EPHA3: variants seen among roughly 807,000 people sequenced by gnomAD.
EPHA3 encodes ephrin type-A receptor 3.
A neutral mutation model predicts 107.1 loss-of-function variants in EPHA3; 42 were observed. The observed-to-expected ratio is 0.39, with a 90% confidence interval of 0.31 to 0.51. The LOEUF is 0.51. Among genes scored for constraint, EPHA3 ranks in the 20% least tolerant of loss-of-function variants. The pLI is 0.78. For synonymous variants in EPHA3, 461 were observed against 424.8 expected (o/e 1.09, Z -1.05); for missense variants, 1,183 against 1,211.2 (o/e 0.98, Z 0.35).
chr3:89,152,042 G>T (rs971454347), intron 2 of EPHA3, among the ~76,000 whole-genome samples: 4 of 151,964 alleles, frequency 2.6e-5, no homozygotes, highest in African/African-American at 9.7e-5. Context: ...TTGTTTTAAT[G>T]AAGACTTCTG....
At position 89,341,763 on chromosome 3, in the gene EPHA3, T is replaced by A. The variant is rs1315586801; in HGVS notation, c.979T>A (p.Ser327Thr). ...PPSMACTRPPSSPRNVISNIN... is the reference protein window; with the variant it reads ...PPSMACTRPPTSPRNVISNIN... Reference sequence around the variant, plus strand: ...GTTGAACTACTTTGCAGGACCTCCATCTTCACCAAGAAATGTTATCTCTAA... The same window carrying A: ...GTTGAACTACTTTGCAGGACCTCCAACTTCACCAAGAAATGTTATCTCTAA... Residue 327 changes from serine (S) to threonine (T), a missense_variant, in exon 5 of 17, where the codon TCT becomes ACT. Transcript: ENST00000336596. 6.2e-7 allele frequency: 1 copy of A among 1,608,848 alleles called. No individual in the cohort carries two copies. Among genetic ancestry groups the A allele is most frequent in the Non-Finnish European group, 8.5e-7 (1 of 1,177,040 alleles).
Position 89,352,902 on chromosome 3 carries a change from C to CAAAAAAAAAAAAAAAA in EPHA3, c.1306+10818_1306+10833dup, listed in dbSNP as rs1215369952. 3.9e-3 allele frequency among the ~76,000 whole-genome samples: 158 copies of CAAAAAAAAAAAAAAAA among 40,968 alleles called. 3 individuals carry two copies. Among genetic ancestry groups the CAAAAAAAAAAAAAAAA allele is most frequent in the African/African-American group, 0.015 (151 of 10,148 alleles). 26.9% of individuals were successfully genotyped at this position (40,968 alleles called of 152,430 possible). On this transcript the variant is annotated intron_variant, in intron 5 of 16. Transcript: ENST00000336596. ...TGGGCGACAGAGCAAGACTCTGTCT[C>CAAAAAAAAAAAAAAAA]AAAAAAAAAAAAAAAAAAAAAGGAA...
At chr3:89,281,410 T>A (rs920021594) in intron 3 of EPHA3, among the ~76,000 whole-genome samples, 1 of 152,114 alleles carries the variant, frequency 6.6e-6, no homozygotes. Flanking sequence ...ACTAGCAGAT[T>A]TCTGAGCCAA....
At chr3:89,189,499 A>G (rs1231764622) in intron 2 of EPHA3, among the ~76,000 whole-genome samples, 1 of 152,182 alleles carries the variant, frequency 6.6e-6, no homozygotes, top group African/African-American at 2.4e-5. Flanking sequence ...AGGCTGAGGC[A>G]GGAGAATTGC....
At chr3:89,333,715 A>T (rs1180659276) in intron 3 of EPHA3, among the ~76,000 whole-genome samples, 1 of 152,096 alleles carries the variant, frequency 6.6e-6, no homozygotes, top group Non-Finnish European at 1.5e-5. Context: ...TTTACTAAAA[A>T]TACAAAAATT....
At position 89,136,127 on chromosome 3, in the gene EPHA3, G is replaced by A. The variant is rs189858199; in HGVS notation, c.153+8854G>A. On this transcript the variant is annotated intron_variant, in intron 2 of 16. Coordinates refer to ENST00000336596, the MANE Select transcript of EPHA3 (RefSeq NM_005233.6). The stretch of plus-strand genomic sequence containing the variant: ...TAATCACCTGGGATTCTGCCTTTAT[G>A]AATCACAGTCCAAATTCTACTTCAT... Among the ~76,000 whole-genome samples the A allele has an allele frequency of 2.2e-3, 330 of 151,962 alleles. 2 individuals are homozygous for A. The highest frequency in any genetic ancestry group is 6.8e-3 in the Middle Eastern group (2 of 294).
At chr3:89,156,878 T>TA (rs1224112565) in intron 2 of EPHA3, among the ~76,000 whole-genome samples, 3 of 147,404 alleles carry the variant, frequency 2.0e-5, no homozygotes, top group African/African-American at 7.6e-5. Context: ...CTACACATTT[T>TA]ATTTTTTTTT....
intron 7 of EPHA3, chr3:89,399,740 G>T (rs1358560272): frequency 9.5e-6 from 11 of 1,154,538 alleles, no homozygotes; most frequent in Non-Finnish European, 7.4e-6. Flanking sequence ...TTTTTTTTTA[G>T]CCATAAATTG....
intron 2 of EPHA3, among the ~76,000 whole-genome samples, chr3:89,140,669 G>A (rs1326196620): frequency 6.6e-6 from 1 of 151,682 alleles, no homozygotes; most frequent in African/African-American, 2.4e-5. Context: ...TCAAAGAAAA[G>A]TTTAGGAGAG....
intron 3 of EPHA3, among the ~76,000 whole-genome samples, chr3:89,241,827 A>G (rs530317769): frequency 6.6e-6 from 1 of 152,328 alleles, no homozygotes; most frequent in Non-Finnish European, 1.5e-5. Flanking sequence ...ACAGAAGATT[A>G]AAAGAAAACA....
intron 2 of EPHA3, among the ~76,000 whole-genome samples, chr3:89,143,327 G>A (rs994439000): frequency 1.3e-5 from 2 of 151,384 alleles, no homozygotes; most frequent in African/African-American, 4.8e-5. Flanking sequence ...CTACTAAGTG[G>A]CGTTGAAAGA....
At chr3:89,201,338 G>A (rs560828620) in intron 2 of EPHA3, among the ~76,000 whole-genome samples, 1 of 152,292 alleles carries the variant, frequency 6.6e-6, no homozygotes, top group South Asian at 2.1e-4. Flanking sequence ...CATTCACCGT[G>A]AGAGTTAGGT....
At chr3:89,447,941 C>A (rs772751457) in intron 13 of EPHA3, among the ~76,000 whole-genome samples, 1 of 152,118 alleles carries the variant, frequency 6.6e-6, no homozygotes, top group Non-Finnish European at 1.5e-5. Context: ...CGATAGAAAT[C>A]GGTCACATTT....
rs550788966 is a variant in EPHA3 at position 89,178,496 on chromosome 3, C to A, written c.154-31364C>A. Among the ~76,000 whole-genome samples the A allele has an allele frequency of 5.1e-4, 77 of 152,008 alleles. 1 individual carries two copies. In the South Asian group the frequency reaches 7.7e-3, roughly 15 times the overall value. On this transcript the variant is annotated intron_variant, in intron 2 of 16. Transcript: ENST00000336596. Reference sequence around the variant, plus strand: ...TGTACCAACTGTTTTGAAAGAAATTCTTGTTCTGAATTTTTAGTCCTTGGG... The same window carrying A: ...TGTACCAACTGTTTTGAAAGAAATTATTGTTCTGAATTTTTAGTCCTTGGG...
intron 3 of EPHA3, among the ~76,000 whole-genome samples, chr3:89,256,053 C>T (rs1705277122): frequency 6.6e-6 from 1 of 151,972 alleles, no homozygotes; most frequent in Admixed American, 6.6e-5. Context: ...AGTTCAAGAC[C>T]AGTCTATCCA....
Position 89,357,270 on chromosome 3 carries a change from GT to G in EPHA3, c.1306+15182del, listed in dbSNP as rs1177617757. 1.0e-4 allele frequency among the ~76,000 whole-genome samples: 15 copies of G among 150,436 alleles called. No individual in the cohort carries two copies. In the Admixed American group the frequency reaches 1.0e-3, roughly 10 times the overall value. On this transcript the variant is annotated intron_variant, in intron 5 of 16. Coordinates refer to ENST00000336596, the MANE Select transcript of EPHA3 (RefSeq NM_005233.6). ...AAGAATACACTTTACCAAGGCCCAG[GT>G]TGTGACAGGAGACAAAGATTTTACA...
intron 7 of EPHA3, among the ~76,000 whole-genome samples, chr3:89,405,389 T>C (rs923217932): frequency 2.6e-5 from 4 of 152,174 alleles, no homozygotes; most frequent in African/African-American, 9.6e-5. Context: ...GGAGGCTGTC[T>C]GCTGACTGTA....
chr3:89,154,420 ATGAG>A (rs1279548664), intron 2 of EPHA3, among the ~76,000 whole-genome samples: 1 of 151,958 alleles, frequency 6.6e-6, no homozygotes, highest in Non-Finnish European at 1.5e-5. Context: ...AGAAAAAGTT[ATGAG>A]TATCAATGGA....
At chr3:89,353,926 C>T (rs1559660880) in intron 5 of EPHA3, among the ~76,000 whole-genome samples, 2 of 150,980 alleles carry the variant, frequency 1.3e-5, no homozygotes, top group Non-Finnish European at 1.5e-5. Context: ...AAGACATGTA[C>T]GTGGAAGGGT....
Sources: gnomAD v4.1 joint callset for allele counts (sites outside exome capture counted in the v4.1 genomes callset) on GRCh38, gnomAD v4.1.1 for gene constraint, MANE v1.5 for transcripts, NCBI Gene and HGNC (gene_info 2026-07-23, HGNC 2026-07-21) for gene names.